Variants in DENND5A observed in about 807,000 individuals in gnomAD.
DENND5A encodes the protein DENN domain-containing protein 5A.
DENND5A carries 64 observed loss-of-function variants against 140.3 expected under a neutral mutation model. That is an observed-to-expected ratio of 0.46 (90% CI 0.37 to 0.56). DENND5A has a LOEUF of 0.56. DENND5A is among the 20% of genes least tolerant of loss of function. DENND5A has a pLI of 0.00. For missense variants in DENND5A, 1,292 were observed against 1,593.8 expected (o/e 0.81, Z 3.22); for synonymous variants, 605 against 607.7 (o/e 1.00, Z 0.07).
chr11:9,206,586 G>A, intron 3 of DENND5A, 87 bp downstream of exon 3: 1 of 916,988 alleles, frequency 1.1e-6, no homozygotes, highest in East Asian at 2.4e-5. Flanking sequence ...GTATTTGGTG[G>A]CACCACTGCT....
At chr11:9,154,410 C>T (rs570502542) in intron 12 of DENND5A, among the ~76,000 whole-genome samples, 9 of 152,236 alleles carry the variant, frequency 5.9e-5, no homozygotes, top group African/African-American at 9.6e-5. Context: ...TTAAGTTATA[C>T]TTTCTGAGGA....
At chr11:9,178,407 G>A (rs1206878371) in intron 7 of DENND5A, 41 bp from the exon 8 acceptor site, 3 of 1,308,880 alleles carry the variant, frequency 2.3e-6, no homozygotes, top group East Asian at 4.8e-5. Context: ...CAGGGAAAAG[G>A]GTAATGTCAA....
chr11:9,233,309 G>T (rs566703758), intron 1 of DENND5A, among the ~76,000 whole-genome samples: 27 of 150,178 alleles, frequency 1.8e-4, no homozygotes, highest in African/African-American at 6.6e-4. Context: ...TGAGGCAGGA[G>T]AATTGTTTGA....
chr11:9,177,146 C>T (rs934800730), intron 8 of DENND5A, among the ~76,000 whole-genome samples: 2 of 150,812 alleles, frequency 1.3e-5, no homozygotes, highest in East Asian at 2.0e-4. Flanking sequence ...CCTAGCTACA[C>T]GGGAGACTGA....
intron 1 of DENND5A, among the ~76,000 whole-genome samples, chr11:9,259,328 G>A (rs569757445): frequency 2.6e-5 from 4 of 151,854 alleles, no homozygotes; most frequent in Non-Finnish European, 4.4e-5. Flanking sequence ...GAAGGCCAAC[G>A]CAGGCGGATC....
chr11:9,191,620 G>A (rs1451219853), intron 5 of DENND5A, among the ~76,000 whole-genome samples: 2 of 152,180 alleles, frequency 1.3e-5, no homozygotes, highest in African/African-American at 4.8e-5. Flanking sequence ...AGGTCCCTTT[G>A]TATAGCCGTA....
intron 1 of DENND5A, among the ~76,000 whole-genome samples, chr11:9,211,215 A>G (rs1849866303): frequency 6.6e-6 from 1 of 152,206 alleles, no homozygotes; most frequent in African/African-American, 2.4e-5. Flanking sequence ...AAACCACAGC[A>G]GCTGGGAAGT....
intron 2 of DENND5A, chr11:9,207,251 C>G: frequency 2.1e-6 from 1 of 476,392 alleles, no homozygotes. Context: ...AGAACATTAA[C>G]GAAGCAGATT....
chr11:9,152,016 C>T (rs1847632352), intron 13 of DENND5A, among the ~76,000 whole-genome samples: 1 of 152,258 alleles, frequency 6.6e-6, no homozygotes, highest in Middle Eastern at 3.4e-3. Flanking sequence ...ATCATAATGC[C>T]CATGTCAGAG....
intron 2 of DENND5A, chr11:9,207,353 C>T: frequency 1.8e-6 from 1 of 548,394 alleles, no homozygotes; most frequent in Admixed American, 3.4e-5. Context: ...CTCCTAAAAA[C>T]ACTAAAGTAT....
chr11:9,176,764 C>G (rs776660252), intron 8 of DENND5A: 7 of 386,196 alleles, frequency 1.8e-5, no homozygotes, highest in African/African-American at 4.2e-5. Flanking sequence ...ATACCATCAA[C>G]TGCTTACTCA....
chr11:9,165,828 C>T lies in DENND5A; in HGVS notation c.2283+8G>A, dbSNP rs1195994569. On this transcript the variant is annotated splice_region_variant and intron_variant, in intron 11 of 22. Coordinates refer to ENST00000328194, the MANE Select transcript of DENND5A (RefSeq NM_015213.4). Reference sequence around the variant, plus strand: ...AATAGCACACATACAGAGATGTCCACAGCTTACCTTATTGCGGCATTCCTT... The same window carrying T: ...AATAGCACACATACAGAGATGTCCATAGCTTACCTTATTGCGGCATTCCTT... 6.2e-7 allele frequency: 1 copy of T among 1,613,730 alleles called. No individual in the cohort carries two copies. The highest frequency in any genetic ancestry group is 8.5e-7 in the Non-Finnish European group (1 of 1,179,802).
chr11:9,249,860 A>AT (rs1481738589), intron 1 of DENND5A, among the ~76,000 whole-genome samples: 1 of 151,630 alleles, frequency 6.6e-6, no homozygotes, highest in African/African-American at 2.4e-5. Flanking sequence ...TCATTTTTAA[A>AT]TTTTTTTGTA....
chr11:9,248,003 T>C (rs1013977019), intron 1 of DENND5A, among the ~76,000 whole-genome samples: 1 of 152,188 alleles, frequency 6.6e-6, no homozygotes, highest in Admixed American at 6.6e-5. Context: ...TTGTTTTGTT[T>C]TTGAGACAGG....
At chr11:9,222,267 T>A (rs1402299298) in intron 1 of DENND5A, among the ~76,000 whole-genome samples, 1 of 149,502 alleles carries the variant, frequency 6.7e-6, no homozygotes, top group African/African-American at 2.5e-5. Flanking sequence ...ATCATTTTAT[T>A]TATAATATTT....
chr11:9,261,917 G>C (rs1297038208), intron 1 of DENND5A, among the ~76,000 whole-genome samples: 1 of 151,690 alleles, frequency 6.6e-6, no homozygotes, highest in Non-Finnish European at 1.5e-5. Flanking sequence ...ATGTGGTCTC[G>C]GCATTCCACT....
intron 11 of DENND5A, among the ~76,000 whole-genome samples, chr11:9,163,150 C>T (rs1012044306): frequency 6.6e-6 from 1 of 152,196 alleles, no homozygotes; most frequent in African/African-American, 2.4e-5. Context: ...TTGGCTTTCT[C>T]AACTGATTGG....
At chr11:9,160,255 T>TA (rs1477540327) in intron 12 of DENND5A, among the ~76,000 whole-genome samples, 2 of 152,242 alleles carry the variant, frequency 1.3e-5, no homozygotes, top group African/African-American at 4.8e-5. Flanking sequence ...AAATCAAACT[T>TA]ACTCAACTTC....
intron 1 of DENND5A, among the ~76,000 whole-genome samples, chr11:9,247,717 G>T (rs1199206673): frequency 1.3e-5 from 2 of 152,076 alleles, no homozygotes; most frequent in African/African-American, 4.8e-5. Flanking sequence ...AAGCCTCCAG[G>T]TAACCAAGAG....
Sources: allele counts gnomAD v4.1 joint callset (sites outside exome capture counted in the v4.1 genomes callset), GRCh38; gene constraint gnomAD v4.1.1; transcripts MANE v1.5; gene names NCBI Gene and HGNC (gene_info 2026-07-23, HGNC 2026-07-21).